The following MAP4K4 variants were observed in gnomAD, a reference collection of about 807,000 sequenced individuals.
MAP4K4 encodes HPK/GCK-like kinase HGK.
In MAP4K4, 38 loss-of-function variants were observed where a neutral mutation model predicts 189.6. That is an observed-to-expected ratio of 0.20 (90% confidence interval 0.15 to 0.26). The LOEUF (loss-of-function observed/expected upper bound fraction) is 0.26, where lower values mean the gene tolerates loss of function less well. Among genes scored for constraint, MAP4K4 ranks in the 10% least tolerant of loss-of-function variants. MAP4K4 has a pLI of 1.00. For missense variants in MAP4K4, 1,054 were observed against 1,726.9 expected (o/e 0.61, Z 6.91); for synonymous variants, 610 against 624.3 (o/e 0.98, Z 0.34).
intron 27 of MAP4K4, among the ~76,000 whole-genome samples, chr2:101,878,118 A>G (rs1346908924): frequency 6.6e-6 from 1 of 152,238 alleles, no homozygotes; most frequent in African/African-American, 2.4e-5. Context: ...GTACAGGAAA[A>G]CAACTACAAG....
chr2:101,787,120 C>G (rs1320749532), intron 2 of MAP4K4, among the ~76,000 whole-genome samples: 1 of 152,106 alleles, frequency 6.6e-6, no homozygotes, highest in Admixed American at 6.5e-5. Context: ...AAAAAAGACC[C>G]TGTTAAATAT....
intron 2 of MAP4K4, among the ~76,000 whole-genome samples, chr2:101,716,930 C>G (rs1281228642): frequency 6.6e-6 from 1 of 152,096 alleles, no homozygotes; most frequent in Non-Finnish European, 1.5e-5. Context: ...ATAAAACATT[C>G]AACTTTTGGG....
At chr2:101,880,661 A>T (rs2098359639) in intron 27 of MAP4K4, among the ~76,000 whole-genome samples, 1 of 151,968 alleles carries the variant, frequency 6.6e-6, no homozygotes, top group South Asian at 2.1e-4. Flanking sequence ...GGCATGTGCC[A>T]CCATGCCTGG....
At chr2:101,748,184 C>T (rs1237775887) in intron 2 of MAP4K4, among the ~76,000 whole-genome samples, 1 of 152,074 alleles carries the variant, frequency 6.6e-6, no homozygotes, top group Non-Finnish European at 1.5e-5. Context: ...AAATACTGTA[C>T]CTTGCTTTTT....
At chr2:101,811,869 G>A (rs1055655173) in intron 3 of MAP4K4, among the ~76,000 whole-genome samples, 6 of 152,146 alleles carry the variant, frequency 3.9e-5, no homozygotes, top group Non-Finnish European at 7.4e-5. Flanking sequence ...AGCTGGATAA[G>A]TTGGGCAGGT....
At chr2:101,718,955 G>A (rs2050125172) in intron 2 of MAP4K4, among the ~76,000 whole-genome samples, 2 of 152,122 alleles carry the variant, frequency 1.3e-5, no homozygotes, top group Admixed American at 1.3e-4. Flanking sequence ...TTTGGACTAG[G>A]GTTATGTCTT....
intron 2 of MAP4K4, among the ~76,000 whole-genome samples, chr2:101,704,486 A>T: frequency 7.0e-6 from 1 of 142,850 alleles, no homozygotes. Flanking sequence ...TGCAAACTCA[A>T]CTCGTATTTT....
chr2:101,725,354 G>A (rs1439360759), intron 2 of MAP4K4, among the ~76,000 whole-genome samples: 1 of 141,034 alleles, frequency 7.1e-6, no homozygotes, highest in Non-Finnish European at 1.5e-5. Flanking sequence ...TACTTTTGTT[G>A]TATGCTTGAA....
exon 24 of MAP4K4, chr2:101,871,645 T>C: frequency 6.5e-7 from 1 of 1,536,794 alleles, no homozygotes; most frequent in South Asian, 1.2e-5. Context: ...ACACCCACCA[T>C]GTCCCCACAG....
intron 11 of MAP4K4, among the ~76,000 whole-genome samples, chr2:101,843,818 T>C (rs1390188797): frequency 1.3e-5 from 2 of 152,204 alleles, no homozygotes; most frequent in Non-Finnish European, 2.9e-5. Context: ...TTTCAACCTT[T>C]CCTTTTACTG....
chr2:101,888,729 G>T (rs1450134902), intron 31 of MAP4K4, 67 bp from the exon 32 acceptor site: 19 of 1,178,010 alleles, frequency 1.6e-5, no homozygotes, highest in Non-Finnish European at 2.0e-5. Flanking sequence ...TTTTTATTAA[G>T]TAAGCAACAT....
intron 12 of MAP4K4, among the ~76,000 whole-genome samples, chr2:101,853,978 G>A (rs10204286): frequency 0.033 from 5,098 of 152,246 alleles, 292 homozygotes; most frequent in African/African-American, 0.11. Flanking sequence ...TAACAATTTT[G>A]CAAAGTTCCC....
At chr2:101,715,180 T>C (rs184140989) in intron 2 of MAP4K4, among the ~76,000 whole-genome samples, 1 of 152,334 alleles carries the variant, frequency 6.6e-6, no homozygotes, top group East Asian at 1.9e-4. Flanking sequence ...ATGGCCACCT[T>C]CTTAGCCTTG....
intron 3 of MAP4K4, among the ~76,000 whole-genome samples, chr2:101,821,827 A>T (rs796627949): frequency 3.4e-4 from 52 of 151,978 alleles, no homozygotes; most frequent in African/African-American, 1.1e-3. Context: ...ATAACAGCTT[A>T]AAAAACTGCA....
chr2:101,762,665 C>T (rs1237708483), intron 2 of MAP4K4, among the ~76,000 whole-genome samples: 2 of 152,126 alleles, frequency 1.3e-5, no homozygotes, highest in Non-Finnish European at 2.9e-5. Flanking sequence ...AATGGAATTT[C>T]CTCATTCTAA....
Position 101,866,282 on chromosome 2 carries a change from A to C in MAP4K4, c.2205-146A>C, listed in dbSNP as rs978889896. 4 of 624,110 alleles carry C rather than the reference A, an allele frequency of 6.4e-6. No homozygotes were observed. The Admixed American group carries it at 1.3e-4, about 20-fold the overall frequency. The allele number at this position is 624,110 out of a possible 1,614,324, so 38.7% of individuals were successfully genotyped here. Reference sequence around the variant, plus strand: ...ACAATGTCATTATATCTTTTGGTGAATTTAATGTTGAGTGCTGTTTATAGA... The same window carrying C: ...ACAATGTCATTATATCTTTTGGTGACTTTAATGTTGAGTGCTGTTTATAGA... On this transcript the variant is annotated intron_variant, in intron 18 of 32. Coordinates refer to ENST00000324219, the Ensembl canonical transcript of MAP4K4.
chr2:101,758,134 G>C (rs898655289), intron 2 of MAP4K4, among the ~76,000 whole-genome samples: 1 of 152,060 alleles, frequency 6.6e-6, no homozygotes, highest in African/African-American at 2.4e-5. Context: ...GTGGTTGACT[G>C]TGCATAACTG....
At chr2:101,752,530 T>G (rs2069647097) in intron 2 of MAP4K4, among the ~76,000 whole-genome samples, 1 of 152,166 alleles carries the variant, frequency 6.6e-6, no homozygotes, top group Non-Finnish European at 1.5e-5. Context: ...ATAGCTAAGC[T>G]CACCCTGTGT....
intron 2 of MAP4K4, among the ~76,000 whole-genome samples, chr2:101,723,236 TG>T (rs1268099002): frequency 1.5e-4 from 23 of 152,184 alleles, no homozygotes; most frequent in Non-Finnish European, 2.6e-4. Flanking sequence ...AGGTTTTGGA[TG>T]GGGACACAGC....
Sources: gnomAD v4.1 joint callset for allele counts (sites outside exome capture counted in the v4.1 genomes callset) on GRCh38, gnomAD v4.1.1 for gene constraint, MANE v1.5 for transcripts, NCBI Gene and HGNC (gene_info 2026-07-23, HGNC 2026-07-21) for gene names.